The following QPRT variants were observed in gnomAD, a reference collection of about 807,000 sequenced individuals.
QPRT encodes the protein nicotinate-nucleotide pyrophosphorylase [carboxylating].
Under a neutral mutation model 19.8 loss-of-function variants are expected in QPRT, and 17 were observed. The observed-to-expected ratio is 0.86, with a 90% CI of 0.59 to 1.29. The LOEUF (loss-of-function observed/expected upper bound fraction) is 1.29. QPRT is among the 50% of genes most tolerant of loss of function. The probability of loss-of-function intolerance (pLI) is 0.00; values close to 1 mark genes in which losing one functional copy is unlikely to be tolerated. For missense variants in QPRT, 336 were observed against 405.1 expected, an observed-to-expected ratio of 0.83 and a Z score of 1.46; for synonymous variants, 178 against 191.0, an observed-to-expected ratio of 0.93 and a Z score of 0.56.
At chr16:29,685,962 C>A (rs1967149229) in intron 1 of QPRT, among the ~76,000 whole-genome samples, 1 of 152,090 alleles carries the variant, frequency 6.6e-6, no homozygotes, top group Admixed American at 6.6e-5. Flanking sequence ...CCGGGTTCAA[C>A]CGATTCTCCT....
At chr16:29,696,064 T>C (rs534616515) in intron 2 of QPRT, 1 of 152,284 alleles carries the variant, frequency 6.6e-6, no homozygotes, top group African/African-American at 2.4e-5. Flanking sequence ...CTGCACCTTA[T>C]TTCCCATCTG....
Position 29,694,731 on chromosome 16 carries a change from C to T in QPRT, c.81C>T (p.Cys27=), listed in dbSNP as rs767284637. ...ALVDSWLRED[C]PGLNYAALVS... ...TGGACAGCTGGCTCCGAGAGGACTGCCCAGGGCTCAACTACGCAGCCTTGG... is the reference window on the plus strand; with the variant it reads ...TGGACAGCTGGCTCCGAGAGGACTGTCCAGGGCTCAACTACGCAGCCTTGG... Residue 27 remains cysteine, a synonymous_variant, in exon 2 of 4, where the codon TGC becomes TGT. Coordinates refer to ENST00000395384, the MANE Select transcript of QPRT (RefSeq NM_014298.6). 2.0e-5 allele frequency: 32 copies of T among 1,602,002 alleles called. No homozygotes were observed. The highest frequency in any genetic ancestry group is 2.6e-5 in the Non-Finnish European group (30 of 1,173,432).
At chr16:29,686,697 G>A (rs1435358976) in intron 1 of QPRT, among the ~76,000 whole-genome samples, 2 of 151,990 alleles carry the variant, frequency 1.3e-5, no homozygotes, top group Non-Finnish European at 2.9e-5. Context: ...GTAGAGACGG[G>A]GTTTCACCAT....
chr16:29,695,732 C>CAAA (rs1432016257), intron 2 of QPRT: 1 of 151,690 alleles, frequency 6.6e-6, no homozygotes, highest in African/African-American at 2.4e-5. Context: ...CTCAGGTGAT[C>CAAA]CACCCACCTC....
Position 29,694,701 on chromosome 16 carries a change from C to A in QPRT, c.51C>A (p.Ala17=). 2 of 1,565,072 alleles carry A rather than the reference C, an allele frequency of 1.3e-6. No homozygotes were observed. Among genetic ancestry groups the A allele is most frequent in the Non-Finnish European group, 1.7e-6 (2 of 1,153,430 alleles). ...ALLLPPVTLA[A]LVDSWLREDC... ...TGCTGCCGCCCGTCACCCTGGCAGC[C>A]CTGGTGGACAGCTGGCTCCGAGAGG... The change falls in exon 2 of 4, where the codon GCC becomes GCA. Residue 17 remains alanine, a synonymous_variant. Coordinates refer to ENST00000395384, the MANE Select transcript of QPRT (RefSeq NM_014298.6).
chr16:29,695,309 G>T, intron 2 of QPRT, 110 bp downstream of exon 2: 1 of 1,265,142 alleles, frequency 7.9e-7, no homozygotes, highest in Non-Finnish European at 1.1e-6. Flanking sequence ...ATGGCCTGGA[G>T]TCAGCAACAC....
chr16:29,692,669 G>A (rs964714211), intron 1 of QPRT, among the ~76,000 whole-genome samples: 4 of 152,150 alleles, frequency 2.6e-5, no homozygotes, highest in African/African-American at 4.8e-5. Context: ...GGCTAGATGC[G>A]GTGGCTGACG....
intron 1 of QPRT, among the ~76,000 whole-genome samples, chr16:29,688,083 T>G (rs1967214126): frequency 6.6e-6 from 1 of 152,112 alleles, no homozygotes; most frequent in African/African-American, 2.4e-5. Flanking sequence ...AAAAACATAT[T>G]GCATTCCAGA....
At chr16:29,687,260 T>C (rs936576404) in intron 1 of QPRT, among the ~76,000 whole-genome samples, 1 of 152,134 alleles carries the variant, frequency 6.6e-6, no homozygotes, top group Non-Finnish European at 1.5e-5. Context: ...GGCCATTGAG[T>C]TTTCTGCTAT....
chr16:29,692,178 G>A (rs1967361651), intron 1 of QPRT, among the ~76,000 whole-genome samples: 1 of 152,224 alleles, frequency 6.6e-6, no homozygotes, highest in Non-Finnish European at 1.5e-5. Context: ...GTTTGCCTCT[G>A]CCCGCAGCCA....
intron 1 of QPRT, among the ~76,000 whole-genome samples, chr16:29,688,166 C>G (rs191549260): frequency 2.7e-4 from 41 of 152,052 alleles, no homozygotes; most frequent in Non-Finnish European, 4.9e-4. Context: ...TTATAGCCAA[C>G]GAGCAGAGTT....
chr16:29,682,715 C>G (rs1377329943), intron 1 of QPRT, among the ~76,000 whole-genome samples: 3 of 151,960 alleles, frequency 2.0e-5, no homozygotes, highest in African/African-American at 7.2e-5. Flanking sequence ...AAAGACTTTT[C>G]TTTTTACTAC....
At chr16:29,687,451 T>C (rs1313190179) in intron 1 of QPRT, among the ~76,000 whole-genome samples, 2 of 152,172 alleles carry the variant, frequency 1.3e-5, no homozygotes, top group Non-Finnish European at 2.9e-5. Context: ...ACACCTGAGG[T>C]CCAGCCCTGG....
At chr16:29,695,484 CTTTTTTTTTTTTTT>C (rs962384967) in intron 2 of QPRT, among the ~76,000 whole-genome samples, 4 of 93,618 alleles carry the variant, frequency 4.3e-5, no homozygotes, top group Non-Finnish European at 8.3e-5. Flanking sequence ...CTAATTTTTG[CTTTTTTTTTTTTTT>C]TTTTTTTTTG....
In QPRT at chr16:29,695,034, C is replaced by A; in HGVS notation, c.384C>A (p.Ala128=). The change falls in exon 2 of 4, where the codon GCC becomes GCA. Residue 128 remains alanine, a synonymous_variant. Transcript: ENST00000395384. ...AAAAVEAARG[A]GWTGHVAGTR... The stretch of plus-strand genomic sequence containing the variant: ...CTGCAGTGGAGGCCGCCAGGGGGGC[C>A]GGCTGGACTGGGCACGTGGCAGGCA... 6.2e-7 allele frequency: 1 copy of A among 1,605,022 alleles called. No individual in the cohort carries two copies.
intron 1 of QPRT, 141 bp from the exon 2 acceptor site, chr16:29,694,523 C>T: frequency 1.3e-6 from 1 of 795,596 alleles, no homozygotes; most frequent in Non-Finnish European, 1.9e-6. Flanking sequence ...CCCTTCCTCA[C>T]CGCAGTCCCC....
chr16:29,684,904 G>A (rs570531642), intron 1 of QPRT, among the ~76,000 whole-genome samples: 2 of 152,274 alleles, frequency 1.3e-5, no homozygotes, highest in South Asian at 2.1e-4. Context: ...AGGGGTGCCC[G>A]CGGCTGGCAC....
At position 29,697,096 on chromosome 16, in the gene QPRT, A is replaced by T. The variant is rs1967564431; in HGVS notation, c.650A>T (p.Asp217Val). 6.2e-7 allele frequency: 1 copy of T among 1,610,106 alleles called. No individual in the cohort carries two copies. The highest frequency in any genetic ancestry group is 8.5e-7 in the Non-Finnish European group (1 of 1,177,878). ...EAVQAAEAGA[D>V]LVLLDNFKPE... ...GTGCAGGCAGCTGAGGCTGGTGCCG[A>T]CCTTGTCCTGCTGGACAACTTCAAG... Residue 217 changes from aspartate to valine, a missense_variant, in exon 3 of 4, where the codon GAC (aspartate) becomes GTC (valine). By Grantham distance (152) the Asp-to-Val change is radical. Coordinates refer to ENST00000395384, the MANE Select transcript of QPRT (RefSeq NM_014298.6). The surrounding 1 kb of genome is among the most constrained non-coding windows in gnomAD (Gnocchi z 4.4).
chr16:29,684,816 CT>C (rs1567328304), intron 1 of QPRT, among the ~76,000 whole-genome samples: 1 of 152,220 alleles, frequency 6.6e-6, no homozygotes, highest in African/African-American at 2.4e-5. Flanking sequence ...TCAGGAAACG[CT>C]TTGGGATTCA....
Sources: allele counts gnomAD v4.1 joint callset (sites outside exome capture counted in the v4.1 genomes callset), GRCh38; gene constraint gnomAD v4.1.1; non-coding constraint Gnocchi (gnomAD v3.1); transcripts MANE v1.5; gene names NCBI Gene and HGNC (gene_info 2026-07-23, HGNC 2026-07-21).